Variants in SYNPO2 observed in about 807,000 individuals in gnomAD.
The protein encoded by SYNPO2 is synaptopodin-2.
In SYNPO2, 56 loss-of-function variants were observed where a neutral mutation model predicts 85.0. The ratio of observed to expected loss-of-function variants is 0.66; its 90% CI spans 0.53 to 0.82. SYNPO2 has a LOEUF of 0.82. SYNPO2 is among the 40% of genes least tolerant of loss of function. The pLI, the probability that SYNPO2 is intolerant of heterozygous loss-of-function variation, is 0.00. For missense variants in SYNPO2, 1,575 were observed against 1,534.2 expected (o/e 1.03, Z -0.44); for synonymous variants, 602 against 591.1 (o/e 1.02, Z -0.27).
At chr4:118,880,938 T>G (rs1182359091) in intron 1 of SYNPO2, among the ~76,000 whole-genome samples, 2 of 152,114 alleles carry the variant, frequency 1.3e-5, no homozygotes, top group African/African-American at 2.4e-5. Flanking sequence ...AAAGGATCTT[T>G]AAAGAGATAA....
At chr4:118,988,913 C>T (rs2149166920) in intron 1 of SYNPO2, among the ~76,000 whole-genome samples, 1 of 152,288 alleles carries the variant, frequency 6.6e-6, no homozygotes, top group Middle Eastern at 3.4e-3. Flanking sequence ...GAAGGCTCAA[C>T]TTTGATGAAA....
At chr4:119,012,382 T>C (rs1388361386) in intron 1 of SYNPO2, among the ~76,000 whole-genome samples, 1 of 126,136 alleles carries the variant, frequency 7.9e-6, no homozygotes, top group Non-Finnish European at 1.7e-5. Flanking sequence ...TTTCTTTTTT[T>C]TTTTTTTTTT....
At chr4:119,032,084 T>C in intron 4 of SYNPO2, 57 bp downstream of exon 4, 1 of 1,587,512 alleles carries the variant, frequency 6.3e-7, no homozygotes, top group South Asian at 1.1e-5. Context: ...GAGTGTCCAC[T>C]TTGCTTGAAA....
chr4:118,885,426 A>C (rs925712015), upstream of SYNPO2, among the ~76,000 whole-genome samples: 1 of 151,816 alleles, frequency 6.6e-6, no homozygotes, highest in South Asian at 2.1e-4. Flanking sequence ...GAAATGAGGG[A>C]AGGAGCAGAT....
At chr4:119,038,337 C>T (rs1738597204) in intron 4 of SYNPO2, 1 of 983,988 alleles carries the variant, frequency 1.0e-6, no homozygotes, top group African/African-American at 1.8e-5. Flanking sequence ...AGTGAAAACC[C>T]ATCTCTGAGA....
chr4:119,001,597 G>T (rs1288842880), intron 1 of SYNPO2, among the ~76,000 whole-genome samples: 2 of 152,114 alleles, frequency 1.3e-5, no homozygotes, highest in African/African-American at 2.4e-5. Flanking sequence ...TATCAAAAAT[G>T]CAAGGATTTA....
chr4:118,947,750 G>A (rs548848656), intron 1 of SYNPO2, among the ~76,000 whole-genome samples: 9 of 152,252 alleles, frequency 5.9e-5, no homozygotes, highest in Admixed American at 5.2e-4. Context: ...TTTAATTCTG[G>A]CATATGCTTT....
chr4:118,859,153 C>T (rs189163315), intron 1 of SYNPO2, among the ~76,000 whole-genome samples: 122 of 152,288 alleles, frequency 8.0e-4, no homozygotes, highest in Non-Finnish European at 1.4e-3. Flanking sequence ...TATCAATGTG[C>T]TAAATCAACA....
intron 1 of SYNPO2, among the ~76,000 whole-genome samples, chr4:118,858,311 G>A (rs1473847438): frequency 6.6e-6 from 1 of 152,144 alleles, no homozygotes; most frequent in Non-Finnish European, 1.5e-5. Context: ...TATTGTGAGG[G>A]AGTCTTGAAA....
At chr4:119,008,259 C>G (rs1214543819) in intron 1 of SYNPO2, among the ~76,000 whole-genome samples, 4 of 152,114 alleles carry the variant, frequency 2.6e-5, no homozygotes, top group Non-Finnish European at 5.9e-5. Context: ...TATATCCAGT[C>G]TTTTAAGATG....
chr4:119,022,824 T>C (rs1737789729), intron 1 of SYNPO2, among the ~76,000 whole-genome samples: 1 of 151,610 alleles, frequency 6.6e-6, no homozygotes, highest in South Asian at 2.1e-4. Context: ...TTGCCCAGGC[T>C]GGAGTACAAT....
chr4:118,993,553 C>T (rs1179350151), intron 1 of SYNPO2, among the ~76,000 whole-genome samples: 1 of 152,122 alleles, frequency 6.6e-6, no homozygotes, highest in Non-Finnish European at 1.5e-5. Context: ...TGTGTGTAAG[C>T]CACAGCAATG....
In SYNPO2 at chr4:119,010,511, C is replaced by A. The variant is rs139365911; in HGVS notation, c.106-12919C>A. ...ACATTATTTCCCACCAGGTCCCCCC[C>A]ACAACATGTGGGAATTATGGTAGTA... On this transcript the variant is annotated intron_variant, in intron 1 of 4. Transcript: ENST00000307142. Among the ~76,000 whole-genome samples, 1,071 of 152,308 alleles carry A rather than the reference C, an allele frequency of 7.0e-3. 9 individuals carry two copies. Among genetic ancestry groups the A allele is most frequent in the Middle Eastern group, 0.017 (5 of 294 alleles).
At chr4:118,959,909 G>A (rs1487181824) in intron 1 of SYNPO2, among the ~76,000 whole-genome samples, 2 of 152,080 alleles carry the variant, frequency 1.3e-5, no homozygotes, top group Non-Finnish European at 2.9e-5. Context: ...ATTTTATTTG[G>A]GACGGAGGCC....
At chr4:119,051,791 ACAGATGCTGCCCACTGAAGTGAGATTC>A (rs1281034322) in intron 4 of SYNPO2, among the ~76,000 whole-genome samples, 2 of 152,192 alleles carry the variant, frequency 1.3e-5, no homozygotes, top group African/African-American at 4.8e-5. Flanking sequence ...CCCAGATACA[ACAGATGCTGCCCACTGAAGTGAGATTC>A]CAGATTCAAA....
intron 1 of SYNPO2, among the ~76,000 whole-genome samples, chr4:118,922,554 T>C (rs1733574470): frequency 6.6e-6 from 1 of 152,058 alleles, no homozygotes; most frequent in South Asian, 2.1e-4. Flanking sequence ...TTGAACCCTC[T>C]TTTCTACCTG....
At chr4:119,035,238 C>T in intron 4 of SYNPO2, 3 of 985,388 alleles carry the variant, frequency 3.0e-6, no homozygotes, top group Non-Finnish European at 3.6e-6. Context: ...AACCTCTCTT[C>T]CTGACGGGAA....
intron 1 of SYNPO2, among the ~76,000 whole-genome samples, chr4:119,019,922 T>C (rs1009965058): frequency 3.3e-5 from 5 of 152,208 alleles, no homozygotes; most frequent in Admixed American, 3.3e-4. Flanking sequence ...GTACTAATAA[T>C]TTTTGTGTCT....
At chr4:118,882,690 T>C (rs1176580189) in intron 1 of SYNPO2, among the ~76,000 whole-genome samples, 1 of 152,204 alleles carries the variant, frequency 6.6e-6, no homozygotes, top group Non-Finnish European at 1.5e-5. Context: ...CTAAGAGGGC[T>C]TTAATACATG....
Sources: gnomAD v4.1 joint callset for allele counts (sites outside exome capture counted in the v4.1 genomes callset) on GRCh38, gnomAD v4.1.1 for gene constraint, MANE v1.5 for transcripts, NCBI Gene and HGNC (gene_info 2026-07-23, HGNC 2026-07-21) for gene names.